LRRIQ1: variants seen among roughly 807,000 people sequenced by gnomAD.
LRRIQ1 encodes leucine rich repeats and IQ motif containing 1.
In LRRIQ1, 210 loss-of-function variants were observed where a neutral mutation model predicts 211.9. The observed-to-expected ratio is 0.99, with a 90% CI of 0.89 to 1.11. The LOEUF (loss-of-function observed/expected upper bound fraction) is 1.11, where lower values mean the gene tolerates loss of function less well. Among genes scored for constraint, LRRIQ1 ranks in the 50% most tolerant of loss-of-function variants. The probability of loss-of-function intolerance (pLI) is 0.00; values close to 1 mark genes in which losing one functional copy is unlikely to be tolerated. For missense variants in LRRIQ1, 2,136 were observed against 1,939.5 expected, an observed-to-expected ratio of 1.10 and a Z score of -1.90; for synonymous variants, 699 against 650.1, an observed-to-expected ratio of 1.08 and a Z score of -1.14.
intron 18 of LRRIQ1, among the ~76,000 whole-genome samples, chr12:85,132,211 C>A (rs572910747): frequency 6.6e-6 from 1 of 151,704 alleles, no homozygotes; most frequent in South Asian, 2.1e-4. Flanking sequence ...GGTCTGCACT[C>A]AATCTTGATA....
At chr12:85,185,377 AAAAT>A (rs1892176085) in intron 24 of LRRIQ1, among the ~76,000 whole-genome samples, 1 of 152,000 alleles carries the variant, frequency 6.6e-6, no homozygotes, top group East Asian at 1.9e-4. Flanking sequence ...AAATTAATAT[AAAAT>A]AAAACAAAAC....
At chr12:85,146,924 C>T (rs1450100282) in intron 19 of LRRIQ1, among the ~76,000 whole-genome samples, 3 of 151,718 alleles carry the variant, frequency 2.0e-5, no homozygotes, top group Non-Finnish European at 4.4e-5. Context: ...CCAAATAGAT[C>T]TATATTACCT....
chr12:85,101,792 A>T (rs1165315188), intron 13 of LRRIQ1, among the ~76,000 whole-genome samples: 1 of 151,900 alleles, frequency 6.6e-6, no homozygotes, highest in Middle Eastern at 3.4e-3. Context: ...CAATATTACA[A>T]AAAGATTTTT....
At position 85,121,724 on chromosome 12, in the gene LRRIQ1, T is replaced by G. The variant is rs1888002304; in HGVS notation, c.3405T>G (p.Ala1135=). Residue 1135 remains alanine, a synonymous_variant, in exon 16 of 27, where the codon GCT becomes GCG. Coordinates refer to ENST00000393217, the MANE Select transcript of LRRIQ1 (RefSeq NM_001079910.2). ...WRDSLLKVLP[A]LRILNGNILN... Reference sequence around the variant, plus strand: ...ATTCTCTACTTAAAGTGTTGCCTGCTCTGAGAATCCTCAATGGCAATATAC... The same window carrying G: ...ATTCTCTACTTAAAGTGTTGCCTGCGCTGAGAATCCTCAATGGCAATATAC... 2 of 1,594,872 alleles carry G rather than the reference T, an allele frequency of 1.3e-6. No homozygotes were observed. Among genetic ancestry groups the G allele is most frequent in the African/African-American group, 1.4e-5 (1 of 74,072 alleles).
intron 15 of LRRIQ1, among the ~76,000 whole-genome samples, chr12:85,119,860 T>C (rs1457437323): frequency 6.6e-6 from 1 of 152,216 alleles, no homozygotes; most frequent in Non-Finnish European, 1.5e-5. Flanking sequence ...ATTTTTAAAT[T>C]AGTTTGTGCA....
At chr12:85,140,765 C>G (rs1889483707) in intron 19 of LRRIQ1, among the ~76,000 whole-genome samples, 2 of 151,106 alleles carry the variant, frequency 1.3e-5, no homozygotes, top group South Asian at 4.1e-4. Context: ...AAGTTAACTT[C>G]CTTAGAATCT....
intron 26 of LRRIQ1, among the ~76,000 whole-genome samples, chr12:85,238,524 G>A (rs1370101207): frequency 6.6e-6 from 1 of 151,908 alleles, no homozygotes. Context: ...TAAGGATTAT[G>A]GTTCACTATC....
intron 25 of LRRIQ1, among the ~76,000 whole-genome samples, chr12:85,230,242 A>G (rs1565917540): frequency 6.6e-6 from 1 of 152,212 alleles, no homozygotes; most frequent in African/African-American, 2.4e-5. Flanking sequence ...CCATTTTGCT[A>G]GGGCTGCCAT....
intron 11 of LRRIQ1, among the ~76,000 whole-genome samples, chr12:85,077,924 G>T (rs921351596): frequency 6.6e-6 from 1 of 151,268 alleles, no homozygotes; most frequent in Non-Finnish European, 1.5e-5. Context: ...GGGGATCAAG[G>T]CTGTAGTAAG....
At chr12:85,040,897 AT>A (rs1287343404) in intron 3 of LRRIQ1, among the ~76,000 whole-genome samples, 7 of 151,524 alleles carry the variant, frequency 4.6e-5, no homozygotes, top group African/African-American at 1.5e-4. Context: ...AATCAAGAGA[AT>A]TTTTTTGGCA....
At chr12:85,060,299 G>A (rs1171578218) in intron 8 of LRRIQ1, among the ~76,000 whole-genome samples, 1 of 151,952 alleles carries the variant, frequency 6.6e-6, no homozygotes, top group Non-Finnish European at 1.5e-5. Context: ...TGGGTTATAT[G>A]CAGTAATATC....
intron 24 of LRRIQ1, among the ~76,000 whole-genome samples, chr12:85,191,074 A>G (rs1892487195): frequency 6.6e-6 from 1 of 152,016 alleles, no homozygotes; most frequent in Non-Finnish European, 1.5e-5. Context: ...AATTTAGCAG[A>G]AAGTACAGAT....
chr12:85,177,496 T>C (rs565559636), intron 24 of LRRIQ1, among the ~76,000 whole-genome samples: 11 of 152,200 alleles, frequency 7.2e-5, no homozygotes, highest in Admixed American at 7.2e-4. Flanking sequence ...GGGGAGGTTG[T>C]GTAGAATGAC....
intron 11 of LRRIQ1, among the ~76,000 whole-genome samples, chr12:85,087,805 T>A (rs1884982614): frequency 1.3e-5 from 2 of 152,242 alleles, no homozygotes; most frequent in Admixed American, 6.5e-5. Flanking sequence ...GATTTTTTTC[T>A]TGTAAATTTG....
At chr12:85,092,156 C>A (rs2136234718) in intron 11 of LRRIQ1, among the ~76,000 whole-genome samples, 1 of 152,234 alleles carries the variant, frequency 6.6e-6, no homozygotes, top group African/African-American at 2.4e-5. Context: ...GCACAGAGAT[C>A]ATAACAAATC....
Position 85,056,815 on chromosome 12 carries a change from A to G in LRRIQ1, c.2022A>G (p.Gln674=), listed in dbSNP as rs778544589. ...MINIEGKRND[Q]DYVLGRHAPC... ...ATATAGAAGGCAAAAGAAATGACCA[A>G]GATTATGTGTTAGGTAGACATGCTC... is the stretch of plus-strand genomic sequence containing the variant. Residue 674 remains glutamine, a synonymous_variant, in exon 8 of 27, where the codon CAA becomes CAG. Transcript: ENST00000393217. The G allele has an allele frequency of 6.2e-7, 1 of 1,611,468 alleles. No homozygotes were observed. The highest frequency in any genetic ancestry group is 2.2e-5 in the East Asian group (1 of 44,858).
At chr12:85,235,620 G>T (rs941798537) in intron 26 of LRRIQ1, among the ~76,000 whole-genome samples, 7 of 152,136 alleles carry the variant, frequency 4.6e-5, no homozygotes, top group Non-Finnish European at 1.0e-4. Context: ...GAGGGATTTG[G>T]CTGAGACCCC....
In LRRIQ1 at chr12:85,245,019, A is replaced by G. The variant is rs1895655187; in HGVS notation, c.*78A>G. The G allele has an allele frequency of 6.6e-7, 1 of 1,524,146 alleles. No individual in the cohort carries two copies. Among genetic ancestry groups the G allele is most frequent in the Admixed American group, 2.1e-5 (1 of 46,614 alleles). 94.4% of individuals were successfully genotyped at this position (1,524,146 alleles called of 1,614,324 possible). On this transcript the variant is annotated 3_prime_UTR_variant, in exon 27 of 27. Transcript: ENST00000393217. Reference sequence around the variant, plus strand: ...TAGGGGGTAGGATGCCAGCAACCTGAACTGCCCAAAAATGTGTATTTAAAT... The same window carrying G: ...TAGGGGGTAGGATGCCAGCAACCTGGACTGCCCAAAAATGTGTATTTAAAT...
intron 11 of LRRIQ1, among the ~76,000 whole-genome samples, chr12:85,077,468 T>G (rs1453256919): frequency 2.0e-5 from 3 of 152,222 alleles, no homozygotes; most frequent in African/African-American, 7.2e-5. Flanking sequence ...GAAAAGGCTC[T>G]TTAATATTTT....
Sources: gnomAD v4.1 joint callset for allele counts (sites outside exome capture counted in the v4.1 genomes callset) on GRCh38, gnomAD v4.1.1 for gene constraint, MANE v1.5 for transcripts, NCBI Gene and HGNC (gene_info 2026-07-23, HGNC 2026-07-21) for gene names.